Variants in LYZL1 observed in about 807,000 individuals in gnomAD.
LYZL1 encodes the protein lysozyme like 1, also known as lysozyme-like protein 1.
A neutral mutation model predicts 17.9 loss-of-function variants in LYZL1; 16 were observed. That is an observed-to-expected ratio of 0.90 (90% CI 0.61 to 1.36). LYZL1 has a LOEUF of 1.36. LYZL1 is among the 40% of genes most tolerant of loss of function. LYZL1 has a pLI of 0.00. For synonymous variants in LYZL1, 58 were observed against 71.8 expected, an observed-to-expected ratio of 0.81 and a Z score of 0.97; for missense variants, 149 against 188.4, an observed-to-expected ratio of 0.79 and a Z score of 1.22.
At chr10:29,304,997 G>GC (rs1835571948) in intron 3 of LYZL1, among the ~76,000 whole-genome samples, 3 of 152,076 alleles carry the variant, frequency 2.0e-5, no homozygotes, top group Admixed American at 2.0e-4. Flanking sequence ...AAACTGCCCT[G>GC]CCCCTAGTAC....
intron 1 of LYZL1, among the ~76,000 whole-genome samples, chr10:29,291,152 G>A (rs888431272): frequency 6.6e-6 from 1 of 152,162 alleles, no homozygotes; most frequent in African/African-American, 2.4e-5. Context: ...ATAGCCTACT[G>A]CTGACTGGAA....
intron 3 of LYZL1, among the ~76,000 whole-genome samples, chr10:29,301,359 T>A (rs1192059980): frequency 6.6e-6 from 1 of 152,132 alleles, no homozygotes; most frequent in Admixed American, 6.5e-5. Context: ...TATGTCTTTA[T>A]CAGCAGAATG....
At chr10:29,314,975 C>CA, downstream of LYZL1, among the ~76,000 whole-genome samples, 1 of 152,282 alleles carries the variant, frequency 6.6e-6, no homozygotes, top group African/African-American at 2.4e-5. Context: ...GTGTTCCACA[C>CA]AGCCACTTCC....
At chr10:29,289,501 C>T (rs1835332488) in intron 1 of LYZL1, among the ~76,000 whole-genome samples, 1 of 150,720 alleles carries the variant, frequency 6.6e-6, no homozygotes, top group South Asian at 2.1e-4. Context: ...TCACTATGGC[C>T]TCAAACTCCC....
intron 4 of LYZL1, chr10:29,318,039 CT>C (rs963784127): frequency 2.7e-4 from 113 of 411,370 alleles, no homozygotes; most frequent in African/African-American, 2.4e-3. Context: ...CCTGCAGACA[CT>C]TTGAAAGGAT....
chr10:29,300,109 C>T (rs10826599), intron 3 of LYZL1, among the ~76,000 whole-genome samples: 59,525 of 151,932 alleles, frequency 0.39, 12,001 homozygotes, highest in African/African-American at 0.5. Flanking sequence ...GGACATACAT[C>T]GTGGAACCTT....
chr10:29,318,221 A>C, exon 5 of LYZL1: 6 of 982,742 alleles, frequency 6.1e-6, no homozygotes, highest in Non-Finnish European at 7.3e-6. Flanking sequence ...TGCCTGCTCA[A>C]GACCACAACC....
intron 3 of LYZL1, among the ~76,000 whole-genome samples, chr10:29,316,352 A>G (rs755665833): frequency 1.3e-5 from 2 of 152,354 alleles, no homozygotes; most frequent in Middle Eastern, 3.4e-3. Flanking sequence ...CTGATCCTCC[A>G]GTAACAGGAG....
At chr10:29,306,482 G>A (rs1192170318) in intron 3 of LYZL1, among the ~76,000 whole-genome samples, 3 of 136,938 alleles carry the variant, frequency 2.2e-5, no homozygotes, top group Non-Finnish European at 3.1e-5. Context: ...CCCGGGAGGC[G>A]GAGCTTGCAG....
chr10:29,309,939 G>T (rs1015647234), intron 3 of LYZL1, among the ~76,000 whole-genome samples, 171 bp from the exon 4 acceptor site: 1 of 152,202 alleles, frequency 6.6e-6, no homozygotes, highest in Non-Finnish European at 1.5e-5. Context: ...ACAACAAAAA[G>T]TTCTTTTTGA....
chr10:29,291,157 C>G (rs769838024), intron 1 of LYZL1, among the ~76,000 whole-genome samples: 9 of 152,174 alleles, frequency 5.9e-5, no homozygotes, highest in Non-Finnish European at 1.0e-4. Context: ...CTACTGCTGA[C>G]TGGAAGCCTT....
At chr10:29,304,058 G>A (rs1835557404) in intron 3 of LYZL1, among the ~76,000 whole-genome samples, 1 of 152,156 alleles carries the variant, frequency 6.6e-6, no homozygotes, top group African/African-American at 2.4e-5. Flanking sequence ...ACTGCACCTA[G>A]CCCGTGACCA....
At chr10:29,316,676 G>A (rs1192350385) in intron 3 of LYZL1, among the ~76,000 whole-genome samples, 1 of 149,124 alleles carries the variant, frequency 6.7e-6, no homozygotes, top group Non-Finnish European at 1.5e-5. Flanking sequence ...TTTTCTTCCA[G>A]GTTTTTTTTT....
intron 3 of LYZL1, among the ~76,000 whole-genome samples, chr10:29,297,364 A>C (rs1196390486): frequency 3.9e-5 from 6 of 152,330 alleles, no homozygotes; most frequent in African/African-American, 1.4e-4. Context: ...ACTAAAGAGC[A>C]TGTGATTTCA....
Position 29,291,761 on chromosome 10 carries a change from C to T in LYZL1, c.-25-82C>T, listed in dbSNP as rs1835368767. On this transcript the variant is annotated intron_variant, in intron 1 of 4. Coordinates refer to ENST00000649382, the MANE Select transcript of LYZL1 (RefSeq NM_032517.6). ...ACCAAAGTGACAGGCAGCATCTAGG[C>T]AGGGCTGTGCACAGTCACCACCGCT... The T allele has an allele frequency of 2.1e-6, 3 of 1,458,182 alleles. No homozygotes were observed. The South Asian group carries it at 3.9e-5, about 19-fold the overall frequency. The allele number at this position is 1,458,182 out of a possible 1,614,324, so 90.3% of individuals were successfully genotyped here. A position where few individuals can be genotyped will look rare whatever the true frequency, so the allele number is the denominator to read the frequency against.
intron 3 of LYZL1, among the ~76,000 whole-genome samples, chr10:29,296,922 G>T (rs574224583): frequency 2.6e-5 from 4 of 152,116 alleles, no homozygotes; most frequent in African/African-American, 9.6e-5. Flanking sequence ...CAGAGGAGTA[G>T]CAGTGACATG....
In LYZL1 at chr10:29,291,759, G is replaced by A. The variant is rs1401832242; in HGVS notation, c.-25-84G>A. The A allele has an allele frequency of 1.2e-5, 18 of 1,454,858 alleles. 3 individuals carry two copies. Among genetic ancestry groups the A allele is most frequent in the Non-Finnish European group, 1.7e-5 (18 of 1,064,926 alleles). The allele number at this position is 1,454,858 out of a possible 1,614,324, so 90.1% of individuals were successfully genotyped here. ...TGACCAAAGTGACAGGCAGCATCTA[G>A]GCAGGGCTGTGCACAGTCACCACCG... is the stretch of plus-strand genomic sequence containing the variant. On this transcript the variant is annotated intron_variant, in intron 1 of 4. Transcript: ENST00000649382.
At position 29,304,408 on chromosome 10, in the gene LYZL1, C is replaced by T. The variant is rs114146588; in HGVS notation, c.299-5702C>T. On this transcript the variant is annotated intron_variant, in intron 3 of 4. Transcript: ENST00000649382. ...ATCTGAATTGGCCTTTGTCATCTCA[C>T]AGGGGAAAGAGATGAACATCGAGGG... 2.6e-3 allele frequency among the ~76,000 whole-genome samples: 399 copies of T among 152,102 alleles called. 1 individual carries two copies. The highest frequency in any genetic ancestry group is 9.4e-3 in the African/African-American group (388 of 41,480).
rs1835740220 is a variant in LYZL1 at position 29,316,957 on chromosome 10, A to G, written c.*-353A>G. Among the ~76,000 whole-genome samples, 3 of 152,228 alleles carry G rather than the reference A, an allele frequency of 2.0e-5. No individual in the cohort carries two copies. In the South Asian group the frequency reaches 6.2e-4, roughly 32 times the overall value. On this transcript the variant is annotated intron_variant and NMD_transcript_variant, in intron 3 of 4. Coordinates refer to the LYZL1 transcript ENST00000494304. ...GTTCTTGAAGTGCTGGGCTCAAGCG[A>G]TCCTCCCACCTCAGCCTTCCAAATT... is the stretch of plus-strand genomic sequence containing the variant.
Sources: allele counts gnomAD v4.1 joint callset (sites outside exome capture counted in the v4.1 genomes callset), GRCh38; gene constraint gnomAD v4.1.1; transcripts MANE v1.5; gene names NCBI Gene and HGNC (gene_info 2026-07-23, HGNC 2026-07-21).